Variants in SEM1 observed in about 807,000 individuals in gnomAD.
SEM1 encodes SEM1 26S proteasome subunit.
Under a neutral mutation model 12.7 loss-of-function variants are expected in SEM1, and 3 were observed. The ratio of observed to expected loss-of-function variants is 0.24; its 90% CI spans 0.11 to 0.61. The LOEUF (loss-of-function observed/expected upper bound fraction) is 0.61. SEM1 is among the 20% of genes least tolerant of loss of function. SEM1 has a pLI of 0.88. For synonymous variants in SEM1, 30 were observed against 27.8 expected (o/e 1.08, Z -0.25); for missense variants, 59 against 81.3 (o/e 0.73, Z 1.06).
chr7:96,499,098 C>T (rs763119566), upstream of SEM1, among the ~76,000 whole-genome samples: 1 of 152,112 alleles, frequency 6.6e-6, no homozygotes, highest in Non-Finnish European at 1.5e-5. Context: ...CATATTTGTT[C>T]TCAAGAGTAC....
At chr7:96,631,176 A>G (rs1217098796) in intron 2 of SEM1, among the ~76,000 whole-genome samples, 2 of 152,024 alleles carry the variant, frequency 1.3e-5, no homozygotes, top group Non-Finnish European at 1.5e-5. Context: ...CGCTTAGCCC[A>G]CTATCACTGT....
intron 3 of SEM1, chr7:96,484,790 C>CCCATTTATAT (rs1209282162): frequency 4.0e-6 from 5 of 1,241,052 alleles, no homozygotes; most frequent in Non-Finnish European, 4.2e-6. Context: ...AGAAAAGTTA[C>CCCATTTATAT]CCATTTATAT....
At chr7:96,641,487 T>C (rs1172836001) in intron 2 of SEM1, among the ~76,000 whole-genome samples, 1 of 152,026 alleles carries the variant, frequency 6.6e-6, no homozygotes, top group Non-Finnish European at 1.5e-5. Flanking sequence ...TAGGAGCTTT[T>C]CCCTGAGCAC....
chr7:96,558,401 A>G (rs1331810364), intron 2 of SEM1: 2 of 152,338 alleles, frequency 1.3e-5, no homozygotes, highest in African/African-American at 2.4e-5. Context: ...ATATGCAAAG[A>G]TTCCGAGGGA....
In SEM1 at chr7:96,640,250, G is replaced by A. The variant is rs1234776080; in HGVS notation, c.171-17607C>T. Among the ~76,000 whole-genome samples the A allele has an allele frequency of 6.6e-6, 1 of 151,918 alleles. No individual in the cohort carries two copies. The highest frequency in any genetic ancestry group is 1.5e-5 in the Non-Finnish European group (1 of 67,892). On this transcript the variant is annotated intron_variant, in intron 2 of 2. Coordinates refer to the SEM1 transcript ENST00000417009. This position sits in a 1 kb window ranked among gnomAD's most constrained non-coding sequence, Gnocchi z 4.0. ...TTACTCAAAGGAACTGAAAACTTAT[G>A]TCCACACAAAAACTTGCACACACAC...
upstream of SEM1, among the ~76,000 whole-genome samples, chr7:96,498,158 T>G (rs905553547): frequency 3.3e-5 from 5 of 152,140 alleles, no homozygotes; most frequent in African/African-American, 1.2e-4. Flanking sequence ...AAAAGACAAA[T>G]AATTGTACAT....
At chr7:96,490,058 C>G (rs1329803082) in intron 1 of SEM1, among the ~76,000 whole-genome samples, 1 of 152,048 alleles carries the variant, frequency 6.6e-6, no homozygotes, top group East Asian at 1.9e-4. Flanking sequence ...TATAAGATCC[C>G]TGAGGGTCAG....
chr7:96,705,891 C>T (rs551082087), intron 1 of SEM1, among the ~76,000 whole-genome samples: 78 of 152,146 alleles, frequency 5.1e-4, no homozygotes, highest in African/African-American at 1.8e-3. Flanking sequence ...CCAACCTGAC[C>T]GTATGATTTG....
rs1430112753 is a variant in SEM1, at chr7:96,642,506, G to A, written c.171-19863C>T. Among the ~76,000 whole-genome samples the A allele has an allele frequency of 2.0e-5, 3 of 150,820 alleles. No homozygotes were observed. In the East Asian group the frequency reaches 5.8e-4, roughly 29 times the overall value. On this transcript the variant is annotated intron_variant, in intron 2 of 2. Transcript: ENST00000417009. ...TGTCTCCCTCTTTTTTTTTCTCATA[G>A]TTTCACCTTTGTTTCTTTTTTTAAA...
chr7:96,630,299 C>T (rs953491321), intron 2 of SEM1, among the ~76,000 whole-genome samples: 3 of 152,160 alleles, frequency 2.0e-5, no homozygotes, highest in African/African-American at 4.8e-5. Context: ...TAGAATTCTA[C>T]GTGGTATTCT....
chr7:96,654,503 A>G (rs535549330), intron 2 of SEM1, among the ~76,000 whole-genome samples: 2 of 152,298 alleles, frequency 1.3e-5, no homozygotes, highest in South Asian at 4.1e-4. Context: ...TAGAGCTAGC[A>G]AGGACTCTTT....
intron 2 of SEM1, among the ~76,000 whole-genome samples, chr7:96,629,736 T>C (rs1808188726): frequency 6.6e-6 from 1 of 152,154 alleles, no homozygotes; most frequent in Non-Finnish European, 1.5e-5. Flanking sequence ...TAGGTATTCA[T>C]TGTAGTCTTC....
At chr7:96,569,761 T>C (rs963929769) in intron 2 of SEM1, among the ~76,000 whole-genome samples, 4 of 152,118 alleles carry the variant, frequency 2.6e-5, no homozygotes, top group Admixed American at 6.6e-5. Context: ...ATCCTTTGTT[T>C]AACTTCTACT....
At chr7:96,590,121 AACTC>A (rs1042751507) in intron 2 of SEM1, among the ~76,000 whole-genome samples, 25 of 152,230 alleles carry the variant, frequency 1.6e-4, no homozygotes, top group African/African-American at 5.5e-4. Context: ...ATTGAAATAT[AACTC>A]ATTCATTTCC....
At chr7:96,546,748 A>G (rs924683148) in intron 2 of SEM1, among the ~76,000 whole-genome samples, 1 of 152,102 alleles carries the variant, frequency 6.6e-6, no homozygotes, top group African/African-American at 2.4e-5. Flanking sequence ...TTCTTTGTGA[A>G]TGAATGCTGT....
At chr7:96,544,052 G>A (rs1355662939) in intron 2 of SEM1, among the ~76,000 whole-genome samples, 1 of 151,978 alleles carries the variant, frequency 6.6e-6, no homozygotes, top group Non-Finnish European at 1.5e-5. Flanking sequence ...AGGGGCCAAT[G>A]GAGAACCAAT....
intron 2 of SEM1, among the ~76,000 whole-genome samples, chr7:96,535,243 C>G (rs1421567505): frequency 6.6e-6 from 1 of 151,754 alleles, no homozygotes; most frequent in Non-Finnish European, 1.5e-5. Flanking sequence ...CTAAGAACAC[C>G]TGTTTTACAA....
chr7:96,663,724 G>GTT (rs2116537167), intron 2 of SEM1, among the ~76,000 whole-genome samples: 1 of 152,134 alleles, frequency 6.6e-6, no homozygotes, highest in Non-Finnish European at 1.5e-5. Context: ...TACCAGAAAG[G>GTT]AAGTGAAAAA....
At position 96,552,221 on chromosome 7, in the gene SEM1, AG is replaced by A. The variant is rs548054784; in HGVS notation, c.171-45524del. 9.3e-3 allele frequency among the ~76,000 whole-genome samples: 1,408 copies of A among 151,884 alleles called. 28 individuals are homozygous for A. The highest frequency in any genetic ancestry group is 0.032 in the African/African-American group (1,344 of 41,396). ...TTTTTTTTATTATACTTTAAGTTTT[AG>A]GGTACATGTGCACATTGTGCAGGTT... On this transcript the variant is annotated intron_variant and NMD_transcript_variant, in intron 2 of 3. Coordinates refer to the SEM1 transcript ENST00000466986.
Sources: allele counts gnomAD v4.1 joint callset (sites outside exome capture counted in the v4.1 genomes callset), GRCh38; gene constraint gnomAD v4.1.1; non-coding constraint Gnocchi (gnomAD v3.1); transcripts MANE v1.5; gene names NCBI Gene and HGNC (gene_info 2026-07-23, HGNC 2026-07-21).